The following TRERF1 variants were observed in gnomAD, a reference collection of about 807,000 sequenced individuals.
TRERF1 encodes the protein transcriptional regulating factor 1, also known as transcriptional-regulating factor 1.
TRERF1 carries 27 observed loss-of-function variants against 122.9 expected under a neutral mutation model. That is an observed-to-expected ratio of 0.22 (90% CI 0.16 to 0.30). The LOEUF (loss-of-function observed/expected upper bound fraction) is 0.30. TRERF1 is among the 10% of genes least tolerant of loss of function. The pLI, the probability that TRERF1 is intolerant of heterozygous loss-of-function variation, is 1.00. For synonymous variants in TRERF1, 636 were observed against 641.7 expected (o/e 0.99, Z 0.13); for missense variants, 1,248 against 1,560.3 (o/e 0.80, Z 3.37).
chr6:42,326,550 T>G (rs1239676119), intron 3 of TRERF1, among the ~76,000 whole-genome samples: 2 of 152,158 alleles, frequency 1.3e-5, no homozygotes, highest in African/African-American at 2.4e-5. Flanking sequence ...TCACATATAA[T>G]CCAGGAGGAT....
chr6:42,444,879 C>G (rs932321507), intron 2 of TRERF1, among the ~76,000 whole-genome samples: 4 of 152,188 alleles, frequency 2.6e-5, no homozygotes, highest in Non-Finnish European at 5.9e-5. Context: ...CGCAGCTCCT[C>G]CCTCACGATC....
chr6:42,356,679 A>T (rs576466044), intron 3 of TRERF1, among the ~76,000 whole-genome samples: 6 of 152,248 alleles, frequency 3.9e-5, no homozygotes, highest in African/African-American at 1.4e-4. Context: ...GGTTCAAGCG[A>T]TTCTCTTGCC....
chr6:42,261,253 T>C (rs1459632446), intron 8 of TRERF1, among the ~76,000 whole-genome samples: 1 of 152,094 alleles, frequency 6.6e-6, no homozygotes, highest in Non-Finnish European at 1.5e-5. Flanking sequence ...CATGCAGACC[T>C]TATATGATCT....
At chr6:42,413,246 G>A (rs1319605366) in intron 2 of TRERF1, among the ~76,000 whole-genome samples, 5 of 151,994 alleles carry the variant, frequency 3.3e-5, no homozygotes, top group East Asian at 3.9e-4. Context: ...TGGTGTATTC[G>A]TTCAATACTG....
At chr6:42,321,629 G>A (rs566568663) in intron 3 of TRERF1, among the ~76,000 whole-genome samples, 4 of 152,204 alleles carry the variant, frequency 2.6e-5, no homozygotes, top group Non-Finnish European at 5.9e-5. Flanking sequence ...CATATACTGC[G>A]AGTGGTAGGA....
intron 2 of TRERF1, among the ~76,000 whole-genome samples, chr6:42,376,714 TG>T (rs1774947892): frequency 6.6e-6 from 1 of 150,916 alleles, no homozygotes; most frequent in African/African-American, 2.4e-5. Context: ...AGCTAATTTT[TG>T]TATTTTTAGT....
chr6:42,272,925 G>A (rs1477585007), intron 4 of TRERF1, among the ~76,000 whole-genome samples: 1 of 152,024 alleles, frequency 6.6e-6, no homozygotes, highest in Non-Finnish European at 1.5e-5. Flanking sequence ...ATATTCAAAG[G>A]CAATTCAACA....
intron 3 of TRERF1, among the ~76,000 whole-genome samples, chr6:42,321,056 GC>G (rs1211078759): frequency 1.3e-5 from 2 of 151,762 alleles, no homozygotes; most frequent in African/African-American, 4.8e-5. Context: ...CAGATAGGAG[GC>G]TGAAAAGGGG....
intron 2 of TRERF1, among the ~76,000 whole-genome samples, chr6:42,369,925 C>G (rs189141635): frequency 7.2e-5 from 11 of 152,338 alleles, no homozygotes; most frequent in African/African-American, 2.6e-4. Context: ...TCTGTAACCA[C>G]AAACTACTTC....
chr6:42,231,213 C>T (rs1006395883), intron 17 of TRERF1, among the ~76,000 whole-genome samples: 1 of 152,212 alleles, frequency 6.6e-6, no homozygotes, highest in Non-Finnish European at 1.5e-5. Context: ...TCTCTCTCCC[C>T]TCTCTTTGCC....
intron 3 of TRERF1, among the ~76,000 whole-genome samples, chr6:42,330,547 C>T (rs1765075818): frequency 6.6e-6 from 1 of 152,212 alleles, no homozygotes; most frequent in African/African-American, 2.4e-5. Flanking sequence ...AGAATTTTAG[C>T]AATATGCACC....
chr6:42,237,232 C>T (rs1401048476), intron 15 of TRERF1, among the ~76,000 whole-genome samples: 6 of 152,300 alleles, frequency 3.9e-5, no homozygotes, highest in South Asian at 4.1e-4. Context: ...AGGTCCCTGC[C>T]CTCCTCAAGG....
intron 2 of TRERF1, among the ~76,000 whole-genome samples, chr6:42,368,416 A>T (rs77765856): frequency 0.019 from 2,895 of 152,000 alleles, 94 homozygotes; most frequent in African/African-American, 0.067. Context: ...GTTCCTTTTT[A>T]AAAAAATGAC....
intron 16 of TRERF1, among the ~76,000 whole-genome samples, chr6:42,233,281 C>A (rs1446078158): frequency 1.6e-5 from 2 of 128,976 alleles, no homozygotes; most frequent in Non-Finnish European, 3.3e-5. Context: ...AGCTTTCAAA[C>A]TTTTTTTTTT....
intron 6 of TRERF1, 114 bp from the exon 7 acceptor site, chr6:42,264,968 C>T: frequency 8.4e-7 from 1 of 1,185,986 alleles, no homozygotes; most frequent in Non-Finnish European, 1.2e-6. Context: ...CCAATGATCC[C>T]ATTGTCCATG....
chr6:42,436,831 A>ATG (rs1562210552), intron 2 of TRERF1, among the ~76,000 whole-genome samples: 2 of 141,082 alleles, frequency 1.4e-5, no homozygotes, highest in Non-Finnish European at 3.1e-5. Context: ...ATATATATAT[A>ATG]TATATATATA....
chr6:42,341,148 G>A (rs1459492407), intron 3 of TRERF1, among the ~76,000 whole-genome samples: 1 of 152,238 alleles, frequency 6.6e-6, no homozygotes, highest in East Asian at 1.9e-4. Context: ...CAAGAGGACT[G>A]ACAGACAGAA....
chr6:42,363,613 G>A (rs187441099), intron 2 of TRERF1, among the ~76,000 whole-genome samples: 2 of 152,244 alleles, frequency 1.3e-5, no homozygotes, highest in Non-Finnish European at 2.9e-5. Context: ...GGCATATTAG[G>A]AGACAGGGTC....
At chr6:42,294,308 A>G (rs1784749182) in intron 4 of TRERF1, among the ~76,000 whole-genome samples, 1 of 150,250 alleles carries the variant, frequency 6.7e-6, no homozygotes, top group Non-Finnish European at 1.5e-5. Context: ...CTTCCTGAGT[A>G]GCTGGGATTA....
Sources: allele counts gnomAD v4.1 joint callset (sites outside exome capture counted in the v4.1 genomes callset), GRCh38; gene constraint gnomAD v4.1.1; transcripts MANE v1.5; gene names NCBI Gene and HGNC (gene_info 2026-07-23, HGNC 2026-07-21).